Variants in MARCHF6 observed in about 807,000 individuals in gnomAD.
The protein encoded by MARCHF6 is membrane associated ring-CH-type finger 6, also known as E3 ubiquitin-protein ligase MARCHF6.
Under a neutral mutation model 133.7 loss-of-function variants are expected in MARCHF6, and 31 were observed. The observed-to-expected ratio is 0.23, with a 90% confidence interval of 0.17 to 0.31. The LOEUF is 0.31. Among genes scored for constraint, MARCHF6 ranks in the 10% least tolerant of loss-of-function variants. The probability of loss-of-function intolerance (pLI) is 1.00; values close to 1 mark genes in which losing one functional copy is unlikely to be tolerated. For missense variants in MARCHF6, 723 were observed against 1,121.6 expected (o/e 0.64, Z 5.08); for synonymous variants, 395 against 402.5 (o/e 0.98, Z 0.22).
intron 22 of MARCHF6, among the ~76,000 whole-genome samples, 193 bp from the exon 23 acceptor site, chr5:10,423,542 A>G (rs1181500814): frequency 6.6e-6 from 1 of 152,236 alleles, no homozygotes; most frequent in Non-Finnish European, 1.5e-5. Flanking sequence ...TTTTTGATGG[A>G]AACATTGAAT....
chr5:10,403,651 C>T, intron 15 of MARCHF6, 110 bp downstream of exon 15: 2 of 983,356 alleles, frequency 2.0e-6, no homozygotes, highest in Non-Finnish European at 2.9e-6. Context: ...ATCATATTCT[C>T]TACTATTTTA....
rs1735254219 is a variant in MARCHF6 at position 10,353,846 on chromosome 5, C to T, written c.-53C>T. ...CTCCTCCTCTCCCCTCCCTCTTTCC[C>T]CGCCCGGCCGCGGGAGCCTCGTGGC... On this transcript the variant is annotated 5_prime_UTR_variant, in exon 1 of 26. Transcript: ENST00000274140. 6.5e-6 allele frequency: 10 copies of T among 1,534,822 alleles called. No homozygotes were observed. In the Middle Eastern group the frequency reaches 6.7e-4, roughly 103 times the overall value.
In MARCHF6 at chr5:10,401,983, A is replaced by G. The variant is rs541046614; in HGVS notation, c.973-76A>G. The G allele has an allele frequency of 4.2e-5, 35 of 832,902 alleles. 1 individual carries two copies. The highest frequency in any genetic ancestry group is 3.1e-4 in the South Asian group (22 of 70,846). 51.6% of individuals were successfully genotyped at this position (832,902 alleles called of 1,614,324 possible). On this transcript the variant is annotated intron_variant, in intron 11 of 25. Transcript: ENST00000274140. ...CAACAATTCTCTTTTAGTCATTTAG[A>G]TTGTTTAATATGGGAAAACCGGGGT...
In MARCHF6 at chr5:10,423,255, A is replaced by G. The variant is rs529737032; in HGVS notation, c.2284-480A>G. Among the ~76,000 whole-genome samples the G allele has an allele frequency of 1.1e-4, 16 of 152,236 alleles. No individual in the cohort carries two copies. The South Asian group carries it at 3.3e-3, about 32-fold the overall frequency. On this transcript the variant is annotated intron_variant, in intron 22 of 25. Coordinates refer to ENST00000274140, the MANE Select transcript of MARCHF6 (RefSeq NM_005885.4). ...GGGCAGGCCAAGAGTCCGTTGCACC[A>G]TGAGGAGGAACCTAGTAACAGTTCC...
intron 22 of MARCHF6, among the ~76,000 whole-genome samples, chr5:10,420,535 G>A (rs1320161495): frequency 1.3e-5 from 2 of 152,134 alleles, no homozygotes; most frequent in Admixed American, 6.5e-5. Flanking sequence ...TTAATGTTAC[G>A]CAGCATGAGC....
intron 15 of MARCHF6, among the ~76,000 whole-genome samples, chr5:10,404,746 G>T (rs983044669): frequency 6.6e-6 from 1 of 152,138 alleles, no homozygotes; most frequent in Non-Finnish European, 1.5e-5. Flanking sequence ...AAGAGGAGGA[G>T]GGGTCAGGGA....
chr5:10,393,020 C>A (rs977364738), intron 7 of MARCHF6, among the ~76,000 whole-genome samples: 1 of 152,086 alleles, frequency 6.6e-6, no homozygotes, highest in African/African-American at 2.4e-5. Context: ...GAGTGTTGTG[C>A]GGGTTGCTCT....
At chr5:10,380,432 A>G (rs1315207410) in intron 3 of MARCHF6, among the ~76,000 whole-genome samples, 2 of 152,184 alleles carry the variant, frequency 1.3e-5, no homozygotes, top group African/African-American at 4.8e-5. Flanking sequence ...CATGAAATTC[A>G]GTTGATAGGA....
chr5:10,399,813 T>A (rs1027529612), intron 10 of MARCHF6, among the ~76,000 whole-genome samples: 1 of 152,282 alleles, frequency 6.6e-6, no homozygotes, highest in Middle Eastern at 3.4e-3. Context: ...AGAGTACTCT[T>A]CTCTTTGCTT....
chr5:10,357,452 T>A (rs1735546191), intron 1 of MARCHF6, among the ~76,000 whole-genome samples: 1 of 152,066 alleles, frequency 6.6e-6, no homozygotes, highest in Non-Finnish European at 1.5e-5. Flanking sequence ...CCAAAGCAGC[T>A]GTTCTTTATG....
rs771980197 is a variant in MARCHF6, at chr5:10,400,819, G to C, written c.949G>C (p.Val317Leu). The change falls in exon 11 of 26, where the codon GTT becomes CTT. Residue 317 changes from valine (V) to leucine (L), a missense_variant. Around this residue, in one of 4 missense-constraint regions of MARCHF6, gnomAD observed 43 missense variants for 97.9 expected, o/e 0.44. Transcript: ENST00000274140. ...CPYHIGHFSL[V>L]GLGFEEHVQA... ...TTACCATATTGGTCATTTCTCCCTT[G>C]TTGGTTTGGGATTTGAAGAACACGT... The C allele has an allele frequency of 5.0e-6, 8 of 1,612,606 alleles. No individual in the cohort carries two copies. The highest frequency in any genetic ancestry group is 6.8e-6 in the Non-Finnish European group (8 of 1,178,950).
chr5:10,389,682 A>AT (rs779496877), intron 5 of MARCHF6, among the ~76,000 whole-genome samples: 1 of 152,208 alleles, frequency 6.6e-6, no homozygotes, highest in Non-Finnish European at 1.5e-5. Context: ...GATTACAGGC[A>AT]TGAGCTACTG....
At chr5:10,416,300 A>C (rs1027275509) in intron 21 of MARCHF6, among the ~76,000 whole-genome samples, 16 of 152,344 alleles carry the variant, frequency 1.1e-4, no homozygotes, top group African/African-American at 3.8e-4. Flanking sequence ...TTTCATTTGT[A>C]TAATCAACTC....
intron 20 of MARCHF6, among the ~76,000 whole-genome samples, chr5:10,415,066 C>G (rs1169496147): frequency 6.6e-6 from 1 of 152,148 alleles, no homozygotes; most frequent in African/African-American, 2.4e-5. Context: ...AAGATAGTTA[C>G]TCTAAATTAT....
At chr5:10,376,771 C>A (rs1201368645) in intron 1 of MARCHF6, among the ~76,000 whole-genome samples, 1 of 152,190 alleles carries the variant, frequency 6.6e-6, no homozygotes, top group Non-Finnish European at 1.5e-5. Context: ...ACGCACCACA[C>A]TGCTCTCGGC....
At chr5:10,430,547 A>G (rs1027914046) in intron 25 of MARCHF6, among the ~76,000 whole-genome samples, 24 of 152,126 alleles carry the variant, frequency 1.6e-4, no homozygotes, top group African/African-American at 5.8e-4. Context: ...CTCGTGATCC[A>G]CCTGCCTTGG....
intron 1 of MARCHF6, among the ~76,000 whole-genome samples, chr5:10,356,367 A>G (rs553862087): frequency 7.4e-6 from 1 of 135,642 alleles, no homozygotes; most frequent in South Asian, 2.3e-4. Context: ...ATTTTATTTT[A>G]TTTTATTTTA....
chr5:10,429,559 C>T (rs1408934224), intron 24 of MARCHF6, among the ~76,000 whole-genome samples: 1 of 152,096 alleles, frequency 6.6e-6, no homozygotes, highest in Non-Finnish European at 1.5e-5. Flanking sequence ...GCCACCACAC[C>T]TGGCTAATTT....
chr5:10,355,533 C>A (rs1490521189), intron 1 of MARCHF6, among the ~76,000 whole-genome samples: 1 of 152,180 alleles, frequency 6.6e-6, no homozygotes, highest in Non-Finnish European at 1.5e-5. Flanking sequence ...CACTGTACTT[C>A]TAGTGCTTAA....
Sources: allele counts gnomAD v4.1 joint callset (sites outside exome capture counted in the v4.1 genomes callset), GRCh38; gene constraint gnomAD v4.1.1; regional missense constraint gnomAD v4.1.1; transcripts MANE v1.5; gene names NCBI Gene and HGNC (gene_info 2026-07-23, HGNC 2026-07-21).